The following GALNT17 variants were observed in gnomAD, a reference collection of about 807,000 sequenced individuals.
GALNT17 encodes the protein polypeptide N-acetylgalactosaminyltransferase 17, also known as UDP-GalNAc:polypeptide N-acetylgalactosaminyltransferase-like 3.
Under a neutral mutation model 63.7 loss-of-function variants are expected in GALNT17, and 29 were observed. The observed-to-expected ratio is 0.46, with a 90% CI of 0.34 to 0.62. The LOEUF is 0.62. Among genes scored for constraint, GALNT17 ranks in the 20% least tolerant of loss-of-function variants. The probability of loss-of-function intolerance (pLI) is 0.01; values close to 1 mark genes in which losing one functional copy is unlikely to be tolerated. For missense variants in GALNT17, 603 were observed against 799.6 expected (o/e 0.75, Z 2.97); for synonymous variants, 305 against 318.3 (o/e 0.96, Z 0.45).
intron 6 of GALNT17, among the ~76,000 whole-genome samples, chr7:71,592,553 G>GAATAGAATAGAATAAAATAA (rs1562703287): frequency 1.3e-4 from 6 of 45,706 alleles, no homozygotes; most frequent in African/African-American, 3.2e-4. Flanking sequence ...AAATAGCATA[G>GAATAGAATAGAATAAAATAA]CATAGCATAC....
At chr7:71,432,878 C>G (rs891022669) in intron 5 of GALNT17, among the ~76,000 whole-genome samples, 2 of 152,122 alleles carry the variant, frequency 1.3e-5, no homozygotes, top group African/African-American at 4.8e-5. Flanking sequence ...GGCTTGATCT[C>G]GACTCACTGC....
At chr7:71,366,448 G>T (rs1387366364) in intron 2 of GALNT17, among the ~76,000 whole-genome samples, 1 of 152,150 alleles carries the variant, frequency 6.6e-6, no homozygotes, top group Admixed American at 6.5e-5. Flanking sequence ...AGGCATGGTG[G>T]CGGGCGCCTG....
At chr7:71,217,145 G>GT (rs1197080765) in intron 1 of GALNT17, among the ~76,000 whole-genome samples, 14,966 of 122,046 alleles carry the variant, frequency 0.12, 1,043 homozygotes, top group Admixed American at 0.16. Flanking sequence ...TTCGTGTTTT[G>GT]TTTTTTTTTT....
chr7:71,395,036 A>G (rs1793113569), intron 3 of GALNT17, among the ~76,000 whole-genome samples: 1 of 152,140 alleles, frequency 6.6e-6, no homozygotes, highest in South Asian at 2.1e-4. Flanking sequence ...TGGGAGGCGG[A>G]AGTTGCATTG....
At chr7:71,443,077 A>C (rs921464348) in intron 5 of GALNT17, among the ~76,000 whole-genome samples, 6 of 152,198 alleles carry the variant, frequency 3.9e-5, no homozygotes, top group Non-Finnish European at 5.9e-5. Context: ...TTCCCATGCT[A>C]TAAGCAACTC....
At chr7:71,662,896 G>A (rs1353778862) in intron 6 of GALNT17, among the ~76,000 whole-genome samples, 2 of 152,162 alleles carry the variant, frequency 1.3e-5, no homozygotes, top group African/African-American at 2.4e-5. Flanking sequence ...TTTATATGGT[G>A]TGAGGTAGGA....
At chr7:71,449,779 C>T (rs950285344) in intron 5 of GALNT17, among the ~76,000 whole-genome samples, 10 of 152,114 alleles carry the variant, frequency 6.6e-5, no homozygotes, top group Middle Eastern at 3.4e-3. Context: ...CGGTGGCTCA[C>T]GCTTGTAATC....
chr7:71,484,340 T>C (rs1015723485), intron 5 of GALNT17, among the ~76,000 whole-genome samples: 4 of 151,966 alleles, frequency 2.6e-5, no homozygotes, highest in African/African-American at 7.3e-5. Context: ...ATGCAAAAAT[T>C]AGCTGGGTGT....
In GALNT17 at chr7:71,415,998, C is replaced by T; in HGVS notation, c.699C>T (p.Gly233=). 6.2e-7 allele frequency: 1 copy of T among 1,613,714 alleles called. No individual in the cohort carries two copies. Among genetic ancestry groups the T allele is most frequent in the African/African-American group, 1.3e-5 (1 of 75,028 alleles). ...GCCTGATCCGCGCTCGCATTGAGGG[C>T]TGGAAGGTGGCTACCGGGCAGGTCA... is the stretch of plus-strand genomic sequence containing the variant. ...REGLIRARIE[G]WKVATGQVTG... The change falls in exon 4 of 11, where the codon GGC becomes GGT. Residue 233 remains glycine, a synonymous_variant. Coordinates refer to ENST00000333538, the MANE Select transcript of GALNT17 (RefSeq NM_022479.3).
intron 5 of GALNT17, among the ~76,000 whole-genome samples, chr7:71,487,573 A>T (rs917802705): frequency 6.6e-6 from 1 of 152,160 alleles, no homozygotes; most frequent in African/African-American, 2.4e-5. Flanking sequence ...GGAGTTTGAG[A>T]CCAGTGTGGG....
rs562114127 is a variant in GALNT17 at position 71,201,335 on chromosome 7, G to A, written c.238+68295G>A. Among the ~76,000 whole-genome samples, 10 of 150,890 alleles carry A rather than the reference G, an allele frequency of 6.6e-5. 1 individual carries two copies. The highest frequency in any genetic ancestry group is 2.4e-4 in the African/African-American group (10 of 41,006). ...AGTCATATTGGCTTTCTTTTCATGT[G>A]TTTTTTTCTGGCCTCATAATACTGA... On this transcript the variant is annotated intron_variant, in intron 1 of 10. Transcript: ENST00000333538.
chr7:71,242,048 G>A (rs1432378210), intron 1 of GALNT17, among the ~76,000 whole-genome samples: 1 of 152,010 alleles, frequency 6.6e-6, no homozygotes, highest in Admixed American at 6.6e-5. Context: ...CAGCCTGCAT[G>A]TCACATGTTG....
At chr7:71,288,360 G>C (rs7807116) in intron 1 of GALNT17, among the ~76,000 whole-genome samples, 151,354 of 152,172 alleles carry the variant, frequency 0.99, 75,275 homozygotes, top group East Asian at 1. Flanking sequence ...GAGAGTTGGT[G>C]TTGCTCAGTG....
At chr7:71,221,760 T>C (rs1283168920) in intron 1 of GALNT17, among the ~76,000 whole-genome samples, 1 of 152,192 alleles carries the variant, frequency 6.6e-6, no homozygotes, top group African/African-American at 2.4e-5. Context: ...CTTTGTGTTT[T>C]GAAATAGTTT....
intron 9 of GALNT17, among the ~76,000 whole-genome samples, chr7:71,689,744 G>A (rs1001103487): frequency 1.1e-4 from 17 of 152,224 alleles, no homozygotes; most frequent in African/African-American, 4.1e-4. Context: ...AACGTAGACA[G>A]AACAGCCTTC....
chr7:71,350,206 C>G (rs1044718376), intron 2 of GALNT17, among the ~76,000 whole-genome samples: 1 of 152,146 alleles, frequency 6.6e-6, no homozygotes, highest in South Asian at 2.1e-4. Flanking sequence ...GAAAGCCATG[C>G]ACAGGTACTA....
chr7:71,414,849 T>C (rs1793495566), intron 3 of GALNT17, among the ~76,000 whole-genome samples: 1 of 152,180 alleles, frequency 6.6e-6, no homozygotes, highest in South Asian at 2.1e-4. Context: ...CTGTGGCCTT[T>C]AGTGACATGT....
At chr7:71,597,334 C>T (rs1314471887) in intron 6 of GALNT17, among the ~76,000 whole-genome samples, 3 of 152,096 alleles carry the variant, frequency 2.0e-5, no homozygotes, top group East Asian at 2.0e-4. Flanking sequence ...CCACCGTGCC[C>T]GGCCTACAAA....
At chr7:71,705,902 C>G (rs1294557891) in intron 9 of GALNT17, among the ~76,000 whole-genome samples, 1 of 152,084 alleles carries the variant, frequency 6.6e-6, no homozygotes, top group Non-Finnish European at 1.5e-5. Flanking sequence ...GTGCAGAGGA[C>G]AGGAAGAAGA....
Sources: gnomAD v4.1 joint callset for allele counts (sites outside exome capture counted in the v4.1 genomes callset) on GRCh38, gnomAD v4.1.1 for gene constraint, MANE v1.5 for transcripts, NCBI Gene and HGNC (gene_info 2026-07-23, HGNC 2026-07-21) for gene names.